The following PPP3CA variants were observed in gnomAD, a reference collection of about 807,000 sequenced individuals.
PPP3CA encodes the protein protein phosphatase 3 catalytic subunit alpha.
A neutral mutation model predicts 66.5 loss-of-function variants in PPP3CA; 14 were observed. That is an observed-to-expected ratio of 0.21 (90% CI 0.14 to 0.33). The LOEUF (loss-of-function observed/expected upper bound fraction) is 0.33, where lower values mean the gene tolerates loss of function less well. Ranked by LOEUF, PPP3CA falls within the 10% of genes least tolerant of loss-of-function variation. The probability of loss-of-function intolerance (pLI) is 1.00; values close to 1 mark genes in which losing one functional copy is unlikely to be tolerated. For synonymous variants in PPP3CA, 232 were observed against 226.2 expected, an observed-to-expected ratio of 1.03 and a Z score of -0.23; for missense variants, 317 against 639.5, an observed-to-expected ratio of 0.50 and a Z score of 5.44.
At chr4:101,184,916 G>T (rs1223595071) in intron 2 of PPP3CA, among the ~76,000 whole-genome samples, 1 of 152,100 alleles carries the variant, frequency 6.6e-6, no homozygotes, top group African/African-American at 2.4e-5. Flanking sequence ...CATCAAGCAG[G>T]AATCAGTCAC....
intron 2 of PPP3CA, among the ~76,000 whole-genome samples, chr4:101,175,057 T>G (rs1724014951): frequency 6.6e-6 from 1 of 152,080 alleles, no homozygotes; most frequent in South Asian, 2.1e-4. Flanking sequence ...ATAACAAAGA[T>G]CTAAGATAAT....
chr4:101,346,096 C>A (rs1198114604), intron 1 of PPP3CA, among the ~76,000 whole-genome samples: 1 of 151,412 alleles, frequency 6.6e-6, no homozygotes, highest in African/African-American at 2.4e-5. Context: ...CAGCCAGCGA[C>A]CGCCCCCGCC....
At chr4:101,246,835 T>C (rs2110239650) in intron 1 of PPP3CA, among the ~76,000 whole-genome samples, 1 of 152,278 alleles carries the variant, frequency 6.6e-6, no homozygotes, top group East Asian at 1.9e-4. Flanking sequence ...AGAGTAGTGC[T>C]AATGAGGCAA....
chr4:101,320,823 T>C (rs1480482762), intron 1 of PPP3CA, among the ~76,000 whole-genome samples: 1 of 152,122 alleles, frequency 6.6e-6, no homozygotes, highest in Non-Finnish European at 1.5e-5. Context: ...GATTATATGA[T>C]TCTGATGGAT....
chr4:101,278,132 A>AAAAAAT (rs1553937783), intron 1 of PPP3CA, among the ~76,000 whole-genome samples: 1,708 of 143,426 alleles, frequency 0.012, 50 homozygotes, highest in African/African-American at 0.047. Context: ...TAAAAAAAAA[A>AAAAAAT]AAAAAAATAA....
chr4:101,171,215 T>C (rs1355319949), intron 2 of PPP3CA: 6 of 455,960 alleles, frequency 1.3e-5, no homozygotes, highest in Non-Finnish European at 2.6e-5. Context: ...ATCGGGGTCA[T>C]CTGTGGAGCT....
chr4:101,280,383 C>T (rs1028924440), intron 1 of PPP3CA, among the ~76,000 whole-genome samples: 3 of 151,972 alleles, frequency 2.0e-5, no homozygotes, highest in Non-Finnish European at 4.4e-5. Context: ...TCAAGAAGGC[C>T]ACCATTACTG....
At chr4:101,301,224 A>C (rs1338115817) in intron 1 of PPP3CA, among the ~76,000 whole-genome samples, 1 of 151,772 alleles carries the variant, frequency 6.6e-6, no homozygotes, top group Non-Finnish European at 1.5e-5. Flanking sequence ...TCATATCTTC[A>C]AATGTCCAAC....
intron 2 of PPP3CA, among the ~76,000 whole-genome samples, chr4:101,181,027 A>G (rs1724220249): frequency 6.6e-6 from 1 of 152,110 alleles, no homozygotes; most frequent in Non-Finnish European, 1.5e-5. Context: ...ATTCCAGGTG[A>G]GTGACAAAGC....
At chr4:101,190,457 G>A (rs1003129226) in intron 2 of PPP3CA, among the ~76,000 whole-genome samples, 8 of 152,104 alleles carry the variant, frequency 5.3e-5, no homozygotes, top group Admixed American at 2.0e-4. Context: ...TAACCATGAC[G>A]TAATTGTAAT....
intron 10 of PPP3CA, among the ~76,000 whole-genome samples, chr4:101,056,025 C>A (rs1028726630): frequency 6.6e-6 from 1 of 151,852 alleles, no homozygotes; most frequent in Non-Finnish European, 1.5e-5. Flanking sequence ...TTAAAAAAAT[C>A]ATCACACTGA....
chr4:101,340,994 C>T (rs1729795808), intron 1 of PPP3CA, among the ~76,000 whole-genome samples: 1 of 152,108 alleles, frequency 6.6e-6, no homozygotes, highest in Non-Finnish European at 1.5e-5. Context: ...CAATGTTTAA[C>T]AGTATTTCTT....
At chr4:101,269,553 C>CGTGTGTGTGTGTGTGTGT (rs55721209) in intron 1 of PPP3CA, among the ~76,000 whole-genome samples, 5 of 135,980 alleles carry the variant, frequency 3.7e-5, no homozygotes, top group East Asian at 2.1e-4. Context: ...AAACAAGGAA[C>CGTGTGTGTGTGTGTGTGT]GTGTGTGTGT....
chr4:101,331,539 C>T (rs1348161), intron 1 of PPP3CA, among the ~76,000 whole-genome samples: 68,421 of 151,974 alleles, frequency 0.45, 18,398 homozygotes, highest in African/African-American at 0.75. Flanking sequence ...TGTGATCCAT[C>T]GTGCGTACAA....
chr4:101,199,765 G>C (rs1449377137), intron 1 of PPP3CA, among the ~76,000 whole-genome samples: 2 of 152,150 alleles, frequency 1.3e-5, no homozygotes, highest in African/African-American at 4.8e-5. Flanking sequence ...AAGGGTCAAT[G>C]ACATGAAATT....
chr4:101,326,312 T>C (rs2110328251), intron 1 of PPP3CA, among the ~76,000 whole-genome samples: 1 of 152,324 alleles, frequency 6.6e-6, no homozygotes, highest in South Asian at 2.1e-4. Context: ...AGCTCTCTGA[T>C]CATGAGAAAA....
At chr4:101,329,971 G>A (rs1284992919) in intron 1 of PPP3CA, among the ~76,000 whole-genome samples, 2 of 152,062 alleles carry the variant, frequency 1.3e-5, no homozygotes, top group Non-Finnish European at 2.9e-5. Context: ...GGATCAAGGA[G>A]TAATTTAAAC....
At chr4:101,121,534 T>C (rs1288959570) in intron 2 of PPP3CA, among the ~76,000 whole-genome samples, 1 of 152,158 alleles carries the variant, frequency 6.6e-6, no homozygotes, top group Non-Finnish European at 1.5e-5. Flanking sequence ...AGTTATATTG[T>C]ATATAAAGTT....
intron 11 of PPP3CA, among the ~76,000 whole-genome samples, chr4:101,038,723 T>C (rs530173658): frequency 6.6e-6 from 1 of 152,334 alleles, no homozygotes; most frequent in Non-Finnish European, 1.5e-5. Flanking sequence ...CAATTTGGTA[T>C]CTAGATTGCC....
Sources: allele counts gnomAD v4.1 joint callset (sites outside exome capture counted in the v4.1 genomes callset), GRCh38; gene constraint gnomAD v4.1.1; transcripts MANE v1.5; gene names NCBI Gene and HGNC (gene_info 2026-07-23, HGNC 2026-07-21).